HERC4: variants seen among roughly 807,000 people sequenced by gnomAD.
HERC4 encodes the protein probable E3 ubiquitin-protein ligase HERC4.
A neutral mutation model predicts 124.3 loss-of-function variants in HERC4; 28 were observed. That is an observed-to-expected ratio of 0.23 (90% CI 0.17 to 0.31). The LOEUF (loss-of-function observed/expected upper bound fraction) is 0.31. HERC4 is among the 10% of genes least tolerant of loss of function. The pLI is 1.00. For missense variants in HERC4, 713 were observed against 1,229.3 expected (o/e 0.58, Z 6.28); for synonymous variants, 407 against 421.5 (o/e 0.97, Z 0.42).
chr10:67,984,448 A>T (rs1174903666), intron 15 of HERC4, among the ~76,000 whole-genome samples: 2 of 152,128 alleles, frequency 1.3e-5, no homozygotes, highest in East Asian at 3.9e-4. Flanking sequence ...AATCAAAACA[A>T]TTTATCTAAT....
At chr10:67,942,966 T>C (rs2033040177) in intron 19 of HERC4, among the ~76,000 whole-genome samples, 1 of 152,072 alleles carries the variant, frequency 6.6e-6, no homozygotes, top group Non-Finnish European at 1.5e-5. Flanking sequence ...TTTGTGATAC[T>C]GAAAATCAGA....
At chr10:68,007,642 A>G (rs1234459986) in intron 9 of HERC4, 1 of 151,700 alleles carries the variant, frequency 6.6e-6, no homozygotes, top group African/African-American at 2.4e-5. Context: ...GAGTGTAATG[A>G]TCTCAATTCT....
intron 5 of HERC4, among the ~76,000 whole-genome samples, chr10:68,035,297 C>T (rs1026771030): frequency 2.6e-5 from 4 of 151,908 alleles, no homozygotes; most frequent in Admixed American, 6.6e-5. Flanking sequence ...GGATTACAGG[C>T]GCGTGCCACC....
chr10:67,980,175 G>C (rs1020561278), intron 15 of HERC4, among the ~76,000 whole-genome samples: 1 of 151,896 alleles, frequency 6.6e-6, no homozygotes, highest in Non-Finnish European at 1.5e-5. Context: ...GCAATGGCGC[G>C]ATCTCGGCTC....
At chr10:67,998,112 T>C (rs1225868148) in intron 9 of HERC4, among the ~76,000 whole-genome samples, 2 of 151,936 alleles carry the variant, frequency 1.3e-5, no homozygotes, top group Non-Finnish European at 2.9e-5. Flanking sequence ...TTGGCCAGGA[T>C]GGTCTTGATC....
intron 3 of HERC4, among the ~76,000 whole-genome samples, chr10:68,054,138 A>C (rs1458853552): frequency 6.6e-6 from 1 of 152,152 alleles, no homozygotes; most frequent in Non-Finnish European, 1.5e-5. Flanking sequence ...GAGTATACCT[A>C]AAATCCATGC....
chr10:68,072,105 C>T (rs1243540519), intron 3 of HERC4, among the ~76,000 whole-genome samples: 8 of 152,198 alleles, frequency 5.3e-5, no homozygotes, highest in Non-Finnish European at 2.9e-5. Flanking sequence ...GCTGCAGTCT[C>T]ATCTGAATTT....
At chr10:68,051,536 T>C (rs1446461338) in intron 3 of HERC4, among the ~76,000 whole-genome samples, 1 of 151,396 alleles carries the variant, frequency 6.6e-6, no homozygotes. Context: ...TTTTTTTGTA[T>C]TTTTAGTAGA....
rs568128251 is a variant in HERC4, at chr10:68,036,211, G to C, written c.463+1882C>G. On this transcript the variant is annotated intron_variant, in intron 5 of 24. Coordinates refer to ENST00000373700, the MANE Select transcript of HERC4 (RefSeq NM_015601.4). ...CAGGCGCCTGTAGTCCCAGCTACTAGGGAGGCTGAGGCAAGAGAATGGCGT... is the reference window on the plus strand; with the variant it reads ...CAGGCGCCTGTAGTCCCAGCTACTACGGAGGCTGAGGCAAGAGAATGGCGT... 2.6e-5 allele frequency among the ~76,000 whole-genome samples: 4 copies of C among 151,894 alleles called. No homozygotes were observed. The East Asian group carries it at 5.8e-4, about 22-fold the overall frequency.
intron 22 of HERC4, among the ~76,000 whole-genome samples, chr10:67,933,075 T>C (rs1055776001): frequency 4.6e-5 from 7 of 152,178 alleles, no homozygotes; most frequent in African/African-American, 1.7e-4. Flanking sequence ...ATGAAAATAA[T>C]TTTAAAATAT....
In HERC4 at chr10:68,040,339, A is replaced by G. The variant is rs569701831; in HGVS notation, c.387-2170T>C. The G allele has an allele frequency of 3.3e-4, 314 of 950,524 alleles. 6 individuals carry two copies. In the South Asian group the frequency reaches 0.014, roughly 41 times the overall value. The allele number at this position is 950,524 out of a possible 1,614,324, so 58.9% of individuals were successfully genotyped here. A position where few individuals can be genotyped will look rare whatever the true frequency, so the allele number is the denominator to read the frequency against. ...GTTAAAGAAAAAACTATCCCCTTTC[A>G]TCTTCATATAAATGTATTAATACCC... is the stretch of plus-strand genomic sequence containing the variant. On this transcript the variant is annotated intron_variant, in intron 4 of 24. Coordinates refer to ENST00000373700, the MANE Select transcript of HERC4 (RefSeq NM_015601.4).
At chr10:68,010,223 G>C in intron 9 of HERC4, 1 of 1,077,186 alleles carries the variant, frequency 9.3e-7, no homozygotes, top group Non-Finnish European at 1.4e-6. Context: ...ATGCATGGGA[G>C]AGCCCAGAGT....
chr10:68,020,597 G>A (rs1340344997), intron 8 of HERC4, among the ~76,000 whole-genome samples: 6 of 151,720 alleles, frequency 4.0e-5, no homozygotes, highest in South Asian at 2.1e-4. Flanking sequence ...GTGAAACCCC[G>A]TCTCTACTAA....
chr10:68,045,171 ATTAGCTGGGTGT>A (rs1322882467), intron 3 of HERC4, among the ~76,000 whole-genome samples: 4 of 152,114 alleles, frequency 2.6e-5, no homozygotes, highest in Non-Finnish European at 5.9e-5. Context: ...AAGTACAAAA[ATTAGCTGGGTGT>A]GTGGTGGTGC....
intron 3 of HERC4, among the ~76,000 whole-genome samples, chr10:68,049,668 T>C (rs1318278295): frequency 1.3e-5 from 2 of 150,382 alleles, no homozygotes; most frequent in African/African-American, 4.9e-5. Context: ...CCTAGCACTT[T>C]GGGAGGCTGA....
chr10:67,981,189 G>A (rs1352428691), intron 15 of HERC4, among the ~76,000 whole-genome samples: 1 of 152,126 alleles, frequency 6.6e-6, no homozygotes, highest in Non-Finnish European at 1.5e-5. Context: ...TCAAAATAAA[G>A]GGATGGAAAA....
chr10:68,032,675 C>T, intron 7 of HERC4, 103 bp downstream of exon 7: 1 of 621,738 alleles, frequency 1.6e-6, no homozygotes, highest in Non-Finnish European at 2.9e-6. Context: ...TTTGAAATAC[C>T]AATAACACTC....
chr10:68,073,285 T>C (rs910783499), intron 2 of HERC4, 99 bp from the exon 3 acceptor site: 2 of 571,974 alleles, frequency 3.5e-6, no homozygotes, highest in South Asian at 2.3e-5. Context: ...ATGGTAAACA[T>C]TAAATATACT....
At position 68,034,158 on chromosome 10, in the gene HERC4, A is replaced by G; in HGVS notation, c.492T>C (p.Asn164=). 6.2e-7 allele frequency: 1 copy of G among 1,614,130 alleles called. No individual in the cohort carries two copies. The highest frequency in any genetic ancestry group is 8.5e-7 in the Non-Finnish European group (1 of 1,179,986). The change falls in exon 6 of 25, where the codon AAT becomes AAC. Residue 164 remains asparagine (N), a synonymous_variant. Coordinates refer to ENST00000373700, the MANE Select transcript of HERC4 (RefSeq NM_015601.4). ...KASEVFCWGQ[N]KYGQLGLGTD... is the part of the protein sequence containing the mutation. ...TACCTAAACCCAATTGGCCATATTT[A>G]TTCTGTCCCCAACAGAAGACTTCAC...
Sources: gnomAD v4.1 joint callset for allele counts (sites outside exome capture counted in the v4.1 genomes callset) on GRCh38, gnomAD v4.1.1 for gene constraint, MANE v1.5 for transcripts, NCBI Gene and HGNC (gene_info 2026-07-23, HGNC 2026-07-21) for gene names.